The following TPMT variants were observed in gnomAD, a reference collection of about 807,000 sequenced individuals.
TPMT encodes thiopurine S-methyltransferase.
In TPMT, 18 loss-of-function variants were observed where a neutral mutation model predicts 34.2. The ratio of observed to expected loss-of-function variants is 0.53; its 90% confidence interval spans 0.36 to 0.78. The LOEUF (loss-of-function observed/expected upper bound fraction) is 0.78. TPMT is among the 30% of genes least tolerant of loss of function. The probability of loss-of-function intolerance (pLI) is 0.00; values close to 1 mark genes in which losing one functional copy is unlikely to be tolerated. For missense variants in TPMT, 265 were observed against 288.1 expected (o/e 0.92, Z 0.58); for synonymous variants, 69 against 92.4 (o/e 0.75, Z 1.45).
chr6:18,150,711 G>T lies in TPMT; in HGVS notation c.-44-1540C>A, dbSNP rs1784336366. Among the ~76,000 whole-genome samples the T allele has an allele frequency of 6.6e-6, 1 of 152,140 alleles. No homozygotes were observed. Among genetic ancestry groups the T allele is most frequent in the South Asian group, 2.1e-4 (1 of 4,832 alleles). The stretch of plus-strand genomic sequence containing the variant: ...TTCCATTTTGCATGTATAAAACACG[G>T]TTAGACTATTCCTCATCCTTGATGC... On this transcript the variant is annotated intron_variant, in intron 1 of 8. Transcript: ENST00000309983. The surrounding 1 kb of genome is among the most constrained non-coding windows in gnomAD (Gnocchi z 5.3).
chr6:18,149,313 T>C lies in TPMT; in HGVS notation c.-44-142A>G, dbSNP rs552047873. 7.8e-6 allele frequency: 6 copies of C among 767,776 alleles called. No homozygotes were observed. Among genetic ancestry groups the C allele is most frequent in the South Asian group, 7.4e-5 (4 of 53,808 alleles). 47.6% of individuals were successfully genotyped at this position (767,776 alleles called of 1,614,324 possible). A position where few individuals can be genotyped will look rare whatever the true frequency, so the allele number is the denominator to read the frequency against. On this transcript the variant is annotated intron_variant, in intron 1 of 8. Transcript: ENST00000309983. This position sits in a 1 kb window ranked among gnomAD's most constrained non-coding sequence, Gnocchi z 5.0. ...TTTATTTCTGGTTTTATTTTTGAGA[T>C]GGAGTCTCACTCTGTCTCCCAGCCT...
rs1481886609 is a variant in TPMT, at chr6:18,154,154, C to T, written c.-45+879G>A. 1.3e-5 allele frequency among the ~76,000 whole-genome samples: 2 copies of T among 152,126 alleles called. No homozygotes were observed. Among genetic ancestry groups the T allele is most frequent in the Non-Finnish European group, 2.9e-5 (2 of 68,020 alleles). On this transcript the variant is annotated intron_variant, in intron 1 of 8. Transcript: ENST00000309983. This position sits in a 1 kb window ranked among gnomAD's most constrained non-coding sequence, Gnocchi z 4.2. ...GCTGGTCTCAAACTCCTGGGCTCAA[C>T]GTCTTAGCTGTTCTAACAGTTTCTC...
At chr6:18,134,845 T>C (rs149947525) in intron 6 of TPMT, among the ~76,000 whole-genome samples, 67 of 152,264 alleles carry the variant, frequency 4.4e-4, no homozygotes, top group African/African-American at 1.3e-3. Context: ...AGGAGACGCA[T>C]GCAGGGTGGT....
At position 18,145,322 on chromosome 6, in the gene TPMT, A is replaced by G. The variant is rs1459889648; in HGVS notation, c.234-1594T>C. Reference sequence around the variant, plus strand: ...GGTTGAGAAATAGATAAATACTACAATATGGCACTTTACGGTGAAAAAGAC... The same window carrying G: ...GGTTGAGAAATAGATAAATACTACAGTATGGCACTTTACGGTGAAAAAGAC... On this transcript the variant is annotated intron_variant, in intron 3 of 8. Coordinates refer to ENST00000309983, the MANE Select transcript of TPMT (RefSeq NM_000367.5). The surrounding 1 kb of genome is among the most constrained non-coding windows in gnomAD (Gnocchi z 5.6). 3.3e-5 allele frequency among the ~76,000 whole-genome samples: 5 copies of G among 152,180 alleles called. No homozygotes were observed. The highest frequency in any genetic ancestry group is 2.9e-5 in the Non-Finnish European group (2 of 68,044).
rs557213636 is a variant in TPMT at position 18,137,981 on chromosome 6, T to C, written c.494+982A>G. Among the ~76,000 whole-genome samples, 60 of 152,254 alleles carry C rather than the reference T, an allele frequency of 3.9e-4. No homozygotes were observed. In the East Asian group the frequency reaches 9.7e-3, roughly 25 times the overall value. ...TTTTAGTAGAGATGGGGTTTCACCA[T>C]GTTGGCCAGGCTGGTCTCGAACTCC... is the stretch of plus-strand genomic sequence containing the variant. On this transcript the variant is annotated intron_variant, in intron 6 of 8. Coordinates refer to ENST00000309983, the MANE Select transcript of TPMT (RefSeq NM_000367.5).
At position 18,143,416 on chromosome 6, in the gene TPMT, A is replaced by G. The variant is rs1177098031; in HGVS notation, c.366+180T>C. 6.6e-6 allele frequency among the ~76,000 whole-genome samples: 1 copy of G among 152,192 alleles called. No homozygotes were observed. The highest frequency in any genetic ancestry group is 6.5e-5 in the Admixed American group (1 of 15,284). Reference sequence around the variant, plus strand: ...CTTTTATATACATATGTCTATACCTATTTAGGTAGCTATCACCTATATTTT... The same window carrying G: ...CTTTTATATACATATGTCTATACCTGTTTAGGTAGCTATCACCTATATTTT... On this transcript the variant is annotated intron_variant, in intron 4 of 8. Coordinates refer to ENST00000309983, the MANE Select transcript of TPMT (RefSeq NM_000367.5). The surrounding 1 kb of genome is among the most constrained non-coding windows in gnomAD (Gnocchi z 6.1).
At position 18,130,621 on chromosome 6, in the gene TPMT, A is replaced by G; in HGVS notation, c.*47T>C. The G allele has an allele frequency of 7.8e-7, 1 of 1,278,734 alleles. No homozygotes were observed. The highest frequency in any genetic ancestry group is 1.1e-6 in the Non-Finnish European group (1 of 878,818). The allele number at this position is 1,278,734 out of a possible 1,614,324, so 79.2% of individuals were successfully genotyped here. On this transcript the variant is annotated 3_prime_UTR_variant, in exon 9 of 9. Transcript: ENST00000309983. This position sits in a 1 kb window ranked among gnomAD's most constrained non-coding sequence, Gnocchi z 4.2. ...TTTTCAGGCTTTAGCATAATTTTCA[A>G]TTCCTCAAAAACATGTCAGTGTGAT...
chr6:18,139,567 C>T lies in TPMT; in HGVS notation c.419+98G>A. 1 of 964,030 alleles carries T rather than the reference C, an allele frequency of 1.0e-6. No homozygotes were observed. The highest frequency in any genetic ancestry group is 1.7e-6 in the Non-Finnish European group (1 of 602,448). 59.7% of individuals were successfully genotyped at this position (964,030 alleles called of 1,614,324 possible). On this transcript the variant is annotated intron_variant, in intron 5 of 8. Transcript: ENST00000309983. This position sits in a 1 kb window ranked among gnomAD's most constrained non-coding sequence, Gnocchi z 4.2. ...AAAAAAATGCTTTGTGGATGTTACA[C>T]AGGAGGAAGAGAGTGAGGAAGACAC...
In TPMT at chr6:18,145,986, C is replaced by T. The variant is rs1031968787; in HGVS notation, c.233+1837G>A. On this transcript the variant is annotated intron_variant, in intron 3 of 8. Coordinates refer to ENST00000309983, the MANE Select transcript of TPMT (RefSeq NM_000367.5). The surrounding 1 kb of genome is among the most constrained non-coding windows in gnomAD (Gnocchi z 5.6). ...TGGGACTGTCTCAAAAAACCAAAAA[C>T]CTAAACCTAAATATCTTAAACATTT... 6.6e-6 allele frequency among the ~76,000 whole-genome samples: 1 copy of T among 152,096 alleles called. No individual in the cohort carries two copies. Among genetic ancestry groups the T allele is most frequent in the Non-Finnish European group, 1.5e-5 (1 of 68,030 alleles).
At position 18,150,437 on chromosome 6, in the gene TPMT, A is replaced by G. The variant is rs952802275; in HGVS notation, c.-44-1266T>C. The stretch of plus-strand genomic sequence containing the variant: ...GTCAGTCTCTCCAGTCATCAGCTAT[A>G]CTATCAATATCATCTTGGAGAATTC... On this transcript the variant is annotated intron_variant, in intron 1 of 8. Coordinates refer to ENST00000309983, the MANE Select transcript of TPMT (RefSeq NM_000367.5). This position sits in a 1 kb window ranked among gnomAD's most constrained non-coding sequence, Gnocchi z 5.3. Among the ~76,000 whole-genome samples, 1 of 152,134 alleles carries G rather than the reference A, an allele frequency of 6.6e-6. No individual in the cohort carries two copies. The highest frequency in any genetic ancestry group is 1.5e-5 in the Non-Finnish European group (1 of 68,012).
upstream of TPMT, chr6:18,155,120 T>A (rs1379444493): frequency 7.5e-5 from 7 of 93,350 alleles, no homozygotes; most frequent in African/African-American, 3.4e-4. The surrounding 1 kb of genome is among the most constrained non-coding windows in gnomAD (Gnocchi z 6.2). Context: ...CTCCGCCACT[T>A]CTCCGCGCCC....
intron 1 of TPMT, among the ~76,000 whole-genome samples, chr6:18,151,184 C>CTTT (rs55751001): frequency 2.3e-5 from 3 of 130,354 alleles, no homozygotes; most frequent in Admixed American, 7.7e-5. Flanking sequence ...CTTCTTCTCT[C>CTTT]TTTTTTTTTT....
chr6:18,133,734 C>A (rs1323561879), intron 7 of TPMT, 70 bp downstream of exon 7: 3 of 1,129,024 alleles, frequency 2.7e-6, no homozygotes, highest in African/African-American at 1.6e-5. Context: ...AATTCTTATC[C>A]ATGTCATAGA....
chr6:18,149,310 A>T lies in TPMT; in HGVS notation c.-44-139T>A. On this transcript the variant is annotated intron_variant, in intron 1 of 8. Transcript: ENST00000309983. The surrounding 1 kb of genome is among the most constrained non-coding windows in gnomAD (Gnocchi z 5.0). ...TTTTTTATTTCTGGTTTTATTTTTG[A>T]GATGGAGTCTCACTCTGTCTCCCAG... 1 of 787,492 alleles carries T rather than the reference A, an allele frequency of 1.3e-6. No individual in the cohort carries two copies. Among genetic ancestry groups the T allele is most frequent in the Non-Finnish European group, 1.9e-6 (1 of 512,868 alleles). The allele number at this position is 787,492 out of a possible 1,614,324, so 48.8% of individuals were successfully genotyped here. A position where few individuals can be genotyped will look rare whatever the true frequency, so the allele number is the denominator to read the frequency against.
Position 18,135,740 on chromosome 6 carries a change from G to A in TPMT, c.495-1851C>T, listed in dbSNP as rs778350190. The stretch of plus-strand genomic sequence containing the variant: ...TACAAAATTAGCTGGGTGTGGTGGC[G>A]CTACTGTAATCCCAGCTACTCTGGA... On this transcript the variant is annotated intron_variant, in intron 6 of 8. Transcript: ENST00000309983. This position sits in a 1 kb window ranked among gnomAD's most constrained non-coding sequence, Gnocchi z 5.0. 1.1e-4 allele frequency among the ~76,000 whole-genome samples: 17 copies of A among 151,816 alleles called. No homozygotes were observed. Among genetic ancestry groups the A allele is most frequent in the South Asian group, 2.1e-4 (1 of 4,806 alleles).
intron 1 of TPMT, among the ~76,000 whole-genome samples, chr6:18,151,634 C>T (rs1276310110): frequency 2.0e-5 from 3 of 151,482 alleles, no homozygotes; most frequent in Admixed American, 1.3e-4. Flanking sequence ...GGCAGGGTCT[C>T]GCTCTGTCAC....
In TPMT at chr6:18,140,997, T is replaced by C. The variant is rs576861709; in HGVS notation, c.367-1280A>G. 6.8e-4 allele frequency among the ~76,000 whole-genome samples: 104 copies of C among 152,278 alleles called. 1 individual carries two copies. In the South Asian group the frequency reaches 0.012, roughly 17 times the overall value. Reference sequence around the variant, plus strand: ...TGGGATCACTGGGTCAGCCCAGAGATGGGTGGGCCTGGAGGCAGGAGAACA... The same window carrying C: ...TGGGATCACTGGGTCAGCCCAGAGACGGGTGGGCCTGGAGGCAGGAGAACA... On this transcript the variant is annotated intron_variant, in intron 4 of 8. Coordinates refer to ENST00000309983, the MANE Select transcript of TPMT (RefSeq NM_000367.5). The surrounding 1 kb of genome is among the most constrained non-coding windows in gnomAD (Gnocchi z 4.7).
rs1228250946 is a variant in TPMT at position 18,138,242 on chromosome 6, C to T, written c.494+721G>A. On this transcript the variant is annotated intron_variant, in intron 6 of 8. Coordinates refer to ENST00000309983, the MANE Select transcript of TPMT (RefSeq NM_000367.5). The surrounding 1 kb of genome is among the most constrained non-coding windows in gnomAD (Gnocchi z 4.1). The stretch of plus-strand genomic sequence containing the variant: ...CCTTACAGAATTAAATGTTAAACCA[C>T]ATGAAATATTTTGATTTTTTTGTTT... 1.3e-5 allele frequency among the ~76,000 whole-genome samples: 2 copies of T among 149,124 alleles called. No individual in the cohort carries two copies. The highest frequency in any genetic ancestry group is 1.4e-4 in the Admixed American group (2 of 14,614).
rs567844590 is a variant in TPMT at position 18,143,487 on chromosome 6, G to A, written c.366+109C>T. 106 of 1,410,878 alleles carry A rather than the reference G, an allele frequency of 7.5e-5. No individual in the cohort carries two copies. Among genetic ancestry groups the A allele is most frequent in the East Asian group, 9.2e-5 (4 of 43,440 alleles). 87.4% of individuals were successfully genotyped at this position (1,410,878 alleles called of 1,614,324 possible). A position where few individuals can be genotyped will look rare whatever the true frequency, so the allele number is the denominator to read the frequency against. On this transcript the variant is annotated intron_variant, in intron 4 of 8. Transcript: ENST00000309983. This position sits in a 1 kb window ranked among gnomAD's most constrained non-coding sequence, Gnocchi z 6.1. ...TATATAGTATCTACAGTGAATCTGC[G>A]TGCTAAATAGGAACCATCGGACACA...
Sources: allele counts gnomAD v4.1 joint callset (sites outside exome capture counted in the v4.1 genomes callset), GRCh38; gene constraint gnomAD v4.1.1; non-coding constraint Gnocchi (gnomAD v3.1); transcripts MANE v1.5; gene names NCBI Gene and HGNC (gene_info 2026-07-23, HGNC 2026-07-21).